Variants in NAALADL2 observed in about 807,000 individuals in gnomAD.
NAALADL2 encodes N-acetylated alpha-linked acidic dipeptidase like 2.
Under a neutral mutation model 87.2 loss-of-function variants are expected in NAALADL2, and 76 were observed. The observed-to-expected ratio is 0.87, with a 90% CI of 0.72 to 1.05. The LOEUF (loss-of-function observed/expected upper bound fraction) is 1.05, where lower values mean the gene tolerates loss of function less well. NAALADL2 is among the 50% of genes least tolerant of loss of function. The pLI is 0.00. For missense variants in NAALADL2, 1,089 were observed against 945.8 expected, an observed-to-expected ratio of 1.15 and a Z score of -1.99; for synonymous variants, 354 against 331.0, an observed-to-expected ratio of 1.07 and a Z score of -0.75.
intron 1 of NAALADL2, among the ~76,000 whole-genome samples, chr3:174,890,931 C>T (rs1256754872): frequency 4.0e-5 from 6 of 151,876 alleles, no homozygotes; most frequent in African/African-American, 7.3e-5. Context: ...GCTACTGTCT[C>T]TTGGAAATAA....
intron 10 of NAALADL2, among the ~76,000 whole-genome samples, chr3:175,615,291 A>T (rs1725176432): frequency 6.6e-6 from 1 of 152,188 alleles, no homozygotes; most frequent in Non-Finnish European, 1.5e-5. Flanking sequence ...TTCATTAGGC[A>T]GATTTCTTCA....
At chr3:174,611,765 A>AT (rs570868283) in intron 2 of NAALADL2, among the ~76,000 whole-genome samples, 2,917 of 140,798 alleles carry the variant, frequency 0.021, 97 homozygotes, top group African/African-American at 0.07. Context: ...TAATTTTTGT[A>AT]TTTTTTTTTT....
intron 3 of NAALADL2, among the ~76,000 whole-genome samples, chr3:174,816,496 C>T (rs1209208329): frequency 7.6e-6 from 1 of 131,202 alleles, no homozygotes; most frequent in Non-Finnish European, 1.6e-5. Flanking sequence ...CATATATATA[C>T]ATTATTTTAT....
chr3:175,300,773 T>G (rs1326978368), intron 4 of NAALADL2, among the ~76,000 whole-genome samples: 2 of 143,398 alleles, frequency 1.4e-5, no homozygotes, highest in African/African-American at 5.3e-5. Flanking sequence ...ATTTATTTAT[T>G]TATTTATTTA....
At chr3:175,169,688 A>C (rs1374613685) in intron 2 of NAALADL2, among the ~76,000 whole-genome samples, 1 of 150,862 alleles carries the variant, frequency 6.6e-6, no homozygotes, top group Non-Finnish European at 1.5e-5. Flanking sequence ...ATCCCTTGTC[A>C]TTTTCTGTAC....
chr3:175,018,302 G>A (rs1359422158), intron 1 of NAALADL2, among the ~76,000 whole-genome samples: 1 of 151,946 alleles, frequency 6.6e-6, no homozygotes, highest in East Asian at 1.9e-4. Flanking sequence ...GTCGGCTCTT[G>A]CAGACATCTC....
Position 174,654,062 on chromosome 3 carries a change from G to C in NAALADL2, c.-114-83579G>C, listed in dbSNP as rs1274934075. ...TAATATTTAGTAATAAGATGGCTTT[G>C]TGTGTGTGTGTGTGTGTGTGTGTGT... On this transcript the variant is annotated intron_variant, in intron 2 of 3. Coordinates refer to the NAALADL2 transcript ENST00000434257. 6.0e-5 allele frequency among the ~76,000 whole-genome samples: 4 copies of C among 66,272 alleles called. No homozygotes were observed. In the East Asian group the frequency reaches 1.1e-3, roughly 19 times the overall value. 43.5% of individuals were successfully genotyped at this position (66,272 alleles called of 152,430 possible).
At chr3:174,582,911 C>G (rs1385004050) in intron 2 of NAALADL2, among the ~76,000 whole-genome samples, 2 of 151,850 alleles carry the variant, frequency 1.3e-5, no homozygotes, top group Non-Finnish European at 2.9e-5. Flanking sequence ...TGATACTTTT[C>G]AGAACATTTG....
rs562608852 is a variant in NAALADL2, at chr3:174,950,221, T to A, written c.43+90771T>A. The stretch of plus-strand genomic sequence containing the variant: ...TGATGAAAGTGTAGAGTCCTTGGTT[T>A]TACCAAGGACTCTACAAACCTACTG... On this transcript the variant is annotated intron_variant, in intron 1 of 13. Transcript: ENST00000454872. 3.7e-4 allele frequency among the ~76,000 whole-genome samples: 56 copies of A among 152,088 alleles called. 2 individuals carry two copies. The South Asian group carries it at 6.6e-3, about 18-fold the overall frequency.
intron 9 of NAALADL2, among the ~76,000 whole-genome samples, chr3:175,556,863 CAT>C (rs1560752406): frequency 6.6e-6 from 1 of 152,148 alleles, no homozygotes; most frequent in East Asian, 1.9e-4. Flanking sequence ...TTAACAGTCT[CAT>C]TCTTAGAAAC....
rs1553901950 is a variant in NAALADL2 at position 175,463,724 on chromosome 3, G to GAGAC, written c.1327+234_1327+235insCAGA. Reference sequence around the variant, plus strand: ...GGGGAGAGAGAGAGAGAGAGAGAGAGAGAGAGAGAGAGGTGGGGATCTCTC... The same window carrying GAGAC: ...GGGGAGAGAGAGAGAGAGAGAGAGAGAGACAGAGAGAGAGAGGTGGGGATCTCTC... On this transcript the variant is annotated intron_variant, in intron 7 of 13. Coordinates refer to ENST00000454872, the MANE Select transcript of NAALADL2 (RefSeq NM_207015.3). 2.1e-3 allele frequency among the ~76,000 whole-genome samples: 311 copies of GAGAC among 148,246 alleles called. 3 individuals are homozygous for GAGAC. Among genetic ancestry groups the GAGAC allele is most frequent in the African/African-American group, 7.8e-3 (300 of 38,650 alleles).
At chr3:175,552,091 C>A (rs1248682767) in intron 9 of NAALADL2, among the ~76,000 whole-genome samples, 2 of 150,750 alleles carry the variant, frequency 1.3e-5, no homozygotes, top group Non-Finnish European at 2.9e-5. Flanking sequence ...TATGTAAAGC[C>A]ATGTAAAATA....
chr3:175,511,489 C>T (rs1159698902), intron 9 of NAALADL2, among the ~76,000 whole-genome samples: 1 of 152,198 alleles, frequency 6.6e-6, no homozygotes, highest in Non-Finnish European at 1.5e-5. Flanking sequence ...AGAGAGCCAT[C>T]TGCAAGCCAG....
intron 2 of NAALADL2, among the ~76,000 whole-genome samples, chr3:174,699,363 C>G (rs1041811415): frequency 5.3e-5 from 8 of 150,466 alleles, no homozygotes; most frequent in African/African-American, 1.5e-4. Context: ...TGTGGTGGCA[C>G]GTGCCTGTAG....
intron 1 of NAALADL2, among the ~76,000 whole-genome samples, chr3:174,963,861 T>G (rs1435476062): frequency 1.3e-5 from 2 of 152,098 alleles, no homozygotes; most frequent in Non-Finnish European, 2.9e-5. Context: ...AGGAAAATAT[T>G]ATTTGATCAT....
chr3:175,532,783 G>A (rs1445027879), intron 9 of NAALADL2, among the ~76,000 whole-genome samples: 1 of 152,162 alleles, frequency 6.6e-6, no homozygotes, highest in African/African-American at 2.4e-5. Flanking sequence ...TTTTGCAGCT[G>A]AGTGACTGTG....
chr3:175,370,494 A>G (rs1262091013), intron 5 of NAALADL2, among the ~76,000 whole-genome samples: 8 of 149,180 alleles, frequency 5.4e-5, no homozygotes, highest in East Asian at 2.1e-4. Flanking sequence ...GTTACTGCCA[A>G]TATATGGGGG....
At chr3:174,807,020 T>G (rs1239936436) in intron 3 of NAALADL2, among the ~76,000 whole-genome samples, 1 of 152,112 alleles carries the variant, frequency 6.6e-6, no homozygotes, top group African/African-American at 2.4e-5. Context: ...TGAAAAAACT[T>G]GAAATTGAGA....
intron 9 of NAALADL2, among the ~76,000 whole-genome samples, chr3:175,500,061 AC>A (rs1334182195): frequency 1.9e-4 from 29 of 152,224 alleles, no homozygotes; most frequent in African/African-American, 5.8e-4. Flanking sequence ...ATTCACTAAC[AC>A]AAAAATAAAT....
Sources: gnomAD v4.1 joint callset for allele counts (sites outside exome capture counted in the v4.1 genomes callset) on GRCh38, gnomAD v4.1.1 for gene constraint, MANE v1.5 for transcripts, NCBI Gene and HGNC (gene_info 2026-07-23, HGNC 2026-07-21) for gene names.